WDPCP: variants seen among roughly 807,000 people sequenced by gnomAD.
WDPCP encodes WD repeat-containing and planar cell polarity effector protein fritz homolog.
A neutral mutation model predicts 93.1 loss-of-function variants in WDPCP; 71 were observed. That is an observed-to-expected ratio of 0.76 (90% CI 0.63 to 0.93). The LOEUF (loss-of-function observed/expected upper bound fraction) is 0.93. WDPCP is among the 40% of genes least tolerant of loss of function. The pLI is 0.00. For missense variants in WDPCP, 844 were observed against 887.4 expected (o/e 0.95, Z 0.62); for synonymous variants, 315 against 315.0 (o/e 1.00, Z 0.00).
chr2:63,577,472 C>T lies in WDPCP; in HGVS notation c.75+10725G>A, dbSNP rs571339506. 2.8e-4 allele frequency among the ~76,000 whole-genome samples: 43 copies of T among 152,198 alleles called. 1 individual carries two copies. Among genetic ancestry groups the T allele is most frequent in the Admixed American group, 2.8e-3 (43 of 15,288 alleles). On this transcript the variant is annotated intron_variant, in intron 1 of 17. Coordinates refer to ENST00000272321, the MANE Select transcript of WDPCP (RefSeq NM_015910.7). Reference sequence around the variant, plus strand: ...TGAAAAGGCATCTCATCTCATTTTTCCCTTCCTTTATCCCATTTCAAGCAT... The same window carrying T: ...TGAAAAGGCATCTCATCTCATTTTTTCCTTCCTTTATCCCATTTCAAGCAT...
intron 1 of WDPCP, among the ~76,000 whole-genome samples, chr2:63,537,369 C>T (rs567615619): frequency 2.6e-5 from 4 of 152,250 alleles, no homozygotes; most frequent in Admixed American, 6.5e-5. Flanking sequence ...TTGACTCTTT[C>T]GAATCCATTC....
chr2:63,759,533 T>G lies in WDPCP; in HGVS notation n.308+54089A>C, dbSNP rs1182506282. On this transcript the variant is annotated intron_variant and non_coding_transcript_variant, in intron 2 of 4. Transcript: ENST00000467687. ...ATGTATTGTTACAGGAACTAATATA[T>G]AAATCTTTTTCCTTTCTTCCACTTT... Among the ~76,000 whole-genome samples the G allele has an allele frequency of 2.0e-5, 3 of 152,348 alleles. No homozygotes were observed. In the East Asian group the frequency reaches 5.8e-4, roughly 29 times the overall value.
At chr2:63,703,597 T>A (rs1178384564) in intron 2 of WDPCP, among the ~76,000 whole-genome samples, 1 of 148,284 alleles carries the variant, frequency 6.7e-6, no homozygotes, top group Non-Finnish European at 1.5e-5. Context: ...TTTTGTTTTG[T>A]TTTTGAGACA....
chr2:63,362,166 A>AT (rs1257447822), intron 12 of WDPCP, among the ~76,000 whole-genome samples: 2 of 148,646 alleles, frequency 1.3e-5, no homozygotes, highest in African/African-American at 5.0e-5. Context: ...AACAGAACTT[A>AT]TTTTTTCCAT....
intron 2 of WDPCP, among the ~76,000 whole-genome samples, chr2:63,802,797 G>A (rs1379744004): frequency 6.6e-6 from 1 of 152,150 alleles, no homozygotes; most frequent in South Asian, 2.1e-4. Context: ...AACAGCAAGA[G>A]TTCTGAAGAA....
intron 9 of WDPCP, among the ~76,000 whole-genome samples, chr2:63,429,976 TACACACACAC>T (rs199517613): frequency 0.046 from 6,329 of 137,410 alleles, 181 homozygotes; most frequent in Admixed American, 0.064. Flanking sequence ...GAAAATGTTA[TACACACACAC>T]ACACACACAC....
At chr2:63,824,995 G>C (rs1329109922) in intron 1 of WDPCP, among the ~76,000 whole-genome samples, 1 of 151,970 alleles carries the variant, frequency 6.6e-6, no homozygotes, top group African/African-American at 2.4e-5. Flanking sequence ...ATTTGTGAAA[G>C]GTATTATAAT....
At chr2:63,144,543 C>T (rs559874468) in intron 17 of WDPCP, among the ~76,000 whole-genome samples, 1 of 152,342 alleles carries the variant, frequency 6.6e-6, no homozygotes, top group African/African-American at 2.4e-5. Context: ...GGTGAGCCAC[C>T]ATGCCTGGGC....
chr2:63,216,397 G>T (rs1032438084), intron 14 of WDPCP, among the ~76,000 whole-genome samples: 3 of 152,294 alleles, frequency 2.0e-5, no homozygotes, highest in African/African-American at 7.2e-5. Context: ...ATGAGTTCAT[G>T]TCCATTCTAG....
intron 2 of WDPCP, among the ~76,000 whole-genome samples, chr2:63,491,743 C>T (rs770357053): frequency 1.2e-4 from 19 of 152,172 alleles, no homozygotes; most frequent in Non-Finnish European, 2.6e-4. Context: ...TTTCATGTCC[C>T]TTTACTGTCA....
rs574239952 is a variant in WDPCP at position 63,669,883 on chromosome 2, C to T, written n.309-19045G>A. Among the ~76,000 whole-genome samples, 123 of 152,188 alleles carry T rather than the reference C, an allele frequency of 8.1e-4. No individual in the cohort carries two copies. The Middle Eastern group carries it at 0.01, about 13-fold the overall frequency. ...GCTTGCAGGACAGTACATGGAGCTC[C>T]TGGTTTGAATCCTGGTCTGCTACTT... On this transcript the variant is annotated intron_variant and non_coding_transcript_variant, in intron 2 of 4. Transcript: ENST00000467687.
chr2:63,533,938 A>C (rs1361594696), intron 1 of WDPCP, among the ~76,000 whole-genome samples: 1 of 152,180 alleles, frequency 6.6e-6, no homozygotes, highest in Admixed American at 6.5e-5. Flanking sequence ...TTTCTTGAAA[A>C]GATCAACAAA....
At chr2:63,144,594 T>A (rs1434440532) in intron 17 of WDPCP, among the ~76,000 whole-genome samples, 5 of 152,170 alleles carry the variant, frequency 3.3e-5, no homozygotes, top group Non-Finnish European at 7.3e-5. Flanking sequence ...AGTTTCCTGA[T>A]TTTTTGGTTG....
intron 1 of WDPCP, among the ~76,000 whole-genome samples, chr2:63,546,665 C>T (rs1705173600): frequency 1.3e-5 from 2 of 152,128 alleles, no homozygotes; most frequent in South Asian, 4.1e-4. Context: ...CATAAGCAAA[C>T]AAAGTTCCTC....
In WDPCP at chr2:63,404,282, A is replaced by C. The variant is rs1040913823; in HGVS notation, c.1201T>G (p.Leu401Val). 5 of 1,613,588 alleles carry C rather than the reference A, an allele frequency of 3.1e-6. No individual in the cohort carries two copies. The highest frequency in any genetic ancestry group is 2.2e-5 in the East Asian group (1 of 44,872). Reference protein sequence around the residue: ...ILLVGSNQGELQIFDMALSPI... With the variant: ...ILLVGSNQGEVQIFDMALSPI... ...GATAGAGCCATATCAAAAATTTGCA[A>C]CTCCCCTTGGTTGCTGCCAACTAGC... Residue 401 changes from leucine to valine, a missense_variant, in exon 10 of 18, where the codon TTG (leucine) becomes GTG (valine). By Grantham distance (32) the Leu-to-Val change is conservative. Coordinates refer to ENST00000272321, the MANE Select transcript of WDPCP (RefSeq NM_015910.7).
intron 3 of WDPCP, among the ~76,000 whole-genome samples, chr2:63,632,776 G>C (rs1709877807): frequency 6.6e-6 from 1 of 152,062 alleles, no homozygotes; most frequent in African/African-American, 2.4e-5. Flanking sequence ...AGAAGGAGAA[G>C]AGAGAGAGAG....
At chr2:63,826,377 A>T (rs1028701621) in intron 1 of WDPCP, among the ~76,000 whole-genome samples, 1 of 151,422 alleles carries the variant, frequency 6.6e-6, no homozygotes, top group Admixed American at 6.6e-5. Context: ...TTATCTTCTG[A>T]CTTAGCACAA....
chr2:63,476,045 T>A (rs1048024225), intron 6 of WDPCP, among the ~76,000 whole-genome samples: 1 of 152,134 alleles, frequency 6.6e-6, no homozygotes, highest in African/African-American at 2.4e-5. Flanking sequence ...ATTTTTTACC[T>A]GTCATTCTAA....
chr2:63,659,439 T>C (rs1006335796), intron 2 of WDPCP, among the ~76,000 whole-genome samples: 1 of 152,158 alleles, frequency 6.6e-6, no homozygotes, highest in African/African-American at 2.4e-5. Context: ...AGGTGGGCAA[T>C]TGCGTGTATC....
Sources: gnomAD v4.1 joint callset for allele counts (sites outside exome capture counted in the v4.1 genomes callset) on GRCh38, gnomAD v4.1.1 for gene constraint, MANE v1.5 for transcripts, NCBI Gene and HGNC (gene_info 2026-07-23, HGNC 2026-07-21) for gene names.